DYNC1H1: variants seen among roughly 807,000 people sequenced by gnomAD.
DYNC1H1 encodes the protein dynein cytoplasmic 1 heavy chain 1, also known as cytoplasmic dynein 1 heavy chain 1.
Under a neutral mutation model 527.1 loss-of-function variants are expected in DYNC1H1, and 51 were observed. That is an observed-to-expected ratio of 0.10 (90% CI 0.08 to 0.12). The LOEUF (loss-of-function observed/expected upper bound fraction) is 0.12, where lower values mean the gene tolerates loss of function less well. Among genes scored for constraint, DYNC1H1 ranks in the 10% least tolerant of loss-of-function variants. DYNC1H1 has a pLI of 1.00. For missense variants in DYNC1H1, 2,771 were observed against 5,971.8 expected (o/e 0.46, Z 17.66); for synonymous variants, 2,189 against 2,278.8 (o/e 0.96, Z 1.12).
chr14:102,036,119 C>T lies in DYNC1H1; in HGVS notation c.10755-370C>T. ...ATTAAAATTCTGTATAATGTTAATC[C>T]CTTGCTGCTGCGACATCATTGATGT... On this transcript the variant is annotated intron_variant, in intron 56 of 77. Transcript: ENST00000360184. This position sits in a 1 kb window ranked among gnomAD's most constrained non-coding sequence, Gnocchi z 5.6. 1 of 284,908 alleles carries T rather than the reference C, an allele frequency of 3.5e-6. No individual in the cohort carries two copies. The highest frequency in any genetic ancestry group is 3.5e-5 in the South Asian group (1 of 28,648). The allele number at this position is 284,908 out of a possible 1,614,324, so 17.6% of individuals were successfully genotyped here. A position where few individuals can be genotyped will look rare whatever the true frequency, so the allele number is the denominator to read the frequency against.
rs75049615 is a variant in DYNC1H1, at chr14:102,016,261, C to T, written c.7474-88C>T. The T allele has an allele frequency of 1.1e-3, 1,726 of 1,562,754 alleles. 19 individuals carry two copies. In the African/African-American group the frequency reaches 0.022, roughly 20 times the overall value. On this transcript the variant is annotated intron_variant, in intron 36 of 77. Transcript: ENST00000360184. This position sits in a 1 kb window ranked among gnomAD's most constrained non-coding sequence, Gnocchi z 7.3. The stretch of plus-strand genomic sequence containing the variant: ...TCTGTGATGCAAGAAGACTGGGAAC[C>T]ACTGTCTTTAGGTTAACTTTGCTGT...
rs1299036032 is a variant in DYNC1H1 at position 102,005,606 on chromosome 14, TAGTC to T, written c.5434-281_5434-278del. The stretch of plus-strand genomic sequence containing the variant: ...ACTCCTAGGATAGACGTCAGAAAGC[TAGTC>T]TTCCATGATGTTTTAGAATGGTTGC... On this transcript the variant is annotated intron_variant, in intron 26 of 77. Transcript: ENST00000360184. This position sits in a 1 kb window ranked among gnomAD's most constrained non-coding sequence, Gnocchi z 4.0. 6.6e-6 allele frequency among the ~76,000 whole-genome samples: 1 copy of T among 152,252 alleles called. No homozygotes were observed. The highest frequency in any genetic ancestry group is 2.4e-5 in the African/African-American group (1 of 41,472).
Position 102,036,436 on chromosome 14 carries a change from T to G in DYNC1H1, c.10755-53T>G. ...TCAGGGACTCGGCTAACCGTGATCC[T>G]GTGCTTTCCCCATTCGGTGTTTCAA... On this transcript the variant is annotated intron_variant, in intron 56 of 77. Coordinates refer to ENST00000360184, the MANE Select transcript of DYNC1H1 (RefSeq NM_001376.5). The surrounding 1 kb of genome is among the most constrained non-coding windows in gnomAD (Gnocchi z 5.6). The G allele has an allele frequency of 6.2e-7, 1 of 1,609,758 alleles. No individual in the cohort carries two copies.
chr14:102,038,290 T>G lies in DYNC1H1; in HGVS notation c.10909-170T>G. 8.6e-7 allele frequency: 1 copy of G among 1,161,962 alleles called. No individual in the cohort carries two copies. The highest frequency in any genetic ancestry group is 1.2e-6 in the Non-Finnish European group (1 of 810,958). 72.0% of individuals were successfully genotyped at this position (1,161,962 alleles called of 1,614,324 possible). A position where few individuals can be genotyped will look rare whatever the true frequency, so the allele number is the denominator to read the frequency against. ...CACCGCATCTGGCTGAGTTTTTAAT[T>G]TTAGTTCATTTAAATGTAAGTAGCC... On this transcript the variant is annotated intron_variant, in intron 57 of 77. Coordinates refer to ENST00000360184, the MANE Select transcript of DYNC1H1 (RefSeq NM_001376.5). This position sits in a 1 kb window ranked among gnomAD's most constrained non-coding sequence, Gnocchi z 7.2.
chr14:101,985,294 TA>T lies in DYNC1H1; in HGVS notation c.1462-392del, dbSNP rs1039699527. On this transcript the variant is annotated intron_variant, in intron 7 of 77. Transcript: ENST00000360184. The surrounding 1 kb of genome is among the most constrained non-coding windows in gnomAD (Gnocchi z 5.9). ...ATTAAATGACTAATTTCTTTATATA[TA>T]TTTTTTTCTCTTCTGAATTTATCTT... 6.6e-6 allele frequency among the ~76,000 whole-genome samples: 1 copy of T among 152,182 alleles called. No individual in the cohort carries two copies. The highest frequency in any genetic ancestry group is 1.5e-5 in the Non-Finnish European group (1 of 68,020).
intron 23 of DYNC1H1, among the ~76,000 whole-genome samples, chr14:102,003,529 A>G (rs1440436740): frequency 2.0e-5 from 3 of 152,300 alleles, no homozygotes; most frequent in East Asian, 1.9e-4. Context: ...CCTAAGTGCT[A>G]GGATTACAGG....
In DYNC1H1 at chr14:102,005,208, C is replaced by A. The variant is rs1346194464; in HGVS notation, c.5405C>A (p.Pro1802Gln). 2 of 1,614,202 alleles carry A rather than the reference C, an allele frequency of 1.2e-6. No individual in the cohort carries two copies. Among genetic ancestry groups the A allele is most frequent in the Non-Finnish European group, 1.7e-6 (2 of 1,180,040 alleles). ...GACTCTGTCCTCATGGAGCAGCCCC[C>A]ACTCCGAAGGCGGAAGCTAGAACAC... ...LADSVLMEQP[P>Q]LRRRKLEHLI... The change falls in exon 26 of 78, where the codon CCA (proline) becomes CAA (glutamine). Residue 1802 changes from proline to glutamine, a missense_variant. By Grantham distance (76) the Pro-to-Gln change is moderately conservative. Around this residue, in one of 32 missense-constraint regions of DYNC1H1, gnomAD observed 64 missense variants for 143.4 expected, o/e 0.45. Transcript: ENST00000360184. The surrounding 1 kb of genome is among the most constrained non-coding windows in gnomAD (Gnocchi z 4.0).
chr14:101,981,682 C>T (rs956129617), intron 5 of DYNC1H1, among the ~76,000 whole-genome samples: 1 of 152,196 alleles, frequency 6.6e-6, no homozygotes, highest in Non-Finnish European at 1.5e-5. Context: ...TTACTTAGAT[C>T]ACATTGCACA....
In DYNC1H1 at chr14:101,994,829, G is replaced by A. The variant is rs1323484772; in HGVS notation, c.3313G>A (p.Val1105Ile). ...AGAAACCAAGAAAGAGTTTGGACCA[G>A]TAGTTATAGATTATGGCAAGGTGAG... is the stretch of plus-strand genomic sequence containing the variant. ...NAETKKEFGP[V>I]VIDYGKVQSK... The change falls in exon 13 of 78, where the codon GTA (valine) becomes ATA (isoleucine). Residue 1105 changes from valine to isoleucine, a missense_variant. By Grantham distance (29) the Val-to-Ile change is conservative. This residue lies in a region of DYNC1H1 where 179 missense variants were observed against 349.4 expected (regional missense o/e 0.51). Transcript: ENST00000360184. 6.2e-7 allele frequency: 1 copy of A among 1,614,222 alleles called. No individual in the cohort carries two copies. The highest frequency in any genetic ancestry group is 1.3e-5 in the African/African-American group (1 of 75,066).
At position 101,979,364 on chromosome 14, in the gene DYNC1H1, C is replaced by T. The variant is rs2273439; in HGVS notation, c.390C>T (p.Pro130=). The stretch of plus-strand genomic sequence containing the variant: ...CTCCCGTGATTGATGCAGATAAACC[C>T]GTGTCTTCTCAGCTCCGGGTCCTTA... ...KRTPVIDADK[P]VSSQLRVLTL... Residue 130 remains proline, a synonymous_variant, in exon 3 of 78, where the codon CCC becomes CCT. Transcript: ENST00000360184. The surrounding 1 kb of genome is among the most constrained non-coding windows in gnomAD (Gnocchi z 4.6). The T allele has an allele frequency of 2.2e-5, 36 of 1,614,034 alleles. No individual in the cohort carries two copies. The East Asian group carries it at 4.9e-4, about 22-fold the overall frequency.
At chr14:102,008,645 G>C (rs1436833669) in intron 29 of DYNC1H1, among the ~76,000 whole-genome samples, 1 of 152,128 alleles carries the variant, frequency 6.6e-6, no homozygotes, top group Non-Finnish European at 1.5e-5. Flanking sequence ...AAATTAGCCT[G>C]ACATGGTGGT....
Position 102,056,366 on chromosome 14 carries a change from T to C in DYNC1H1, c.*5803T>C, listed in dbSNP as rs199924210. On this transcript the variant is annotated 3_prime_UTR_variant, in exon 78 of 78. Transcript: ENST00000360184. Reference sequence around the variant, plus strand: ...TGTGAGCCCTTAAAAGGGACAGAAATTGTGCACTTGGGGAGCTGGGATTTT... The same window carrying C: ...TGTGAGCCCTTAAAAGGGACAGAAACTGTGCACTTGGGGAGCTGGGATTTT... The C allele has an allele frequency of 6.6e-6, 1 of 152,198 alleles. No homozygotes were observed. The highest frequency in any genetic ancestry group is 1.9e-4 in the East Asian group (1 of 5,168). 9.4% of individuals were successfully genotyped at this position (152,198 alleles called of 1,614,324 possible). A position where few individuals can be genotyped will look rare whatever the true frequency, so the allele number is the denominator to read the frequency against.
At position 102,002,529 on chromosome 14, in the gene DYNC1H1, C is replaced by T. The variant is rs1233333145; in HGVS notation, c.4543-8C>T. On this transcript the variant is annotated splice_region_variant and splice_polypyrimidine_tract_variant and intron_variant, in intron 21 of 77. Transcript: ENST00000360184. The surrounding 1 kb of genome is among the most constrained non-coding windows in gnomAD (Gnocchi z 4.4). ...GCAGTTTACCTCTCCCTCCTGTCTG[C>T]CCACCAGGTTTTTGAAGAGGATGCT... The T allele has an allele frequency of 6.2e-7, 1 of 1,613,998 alleles. No homozygotes were observed. Among genetic ancestry groups the T allele is most frequent in the Non-Finnish European group, 8.5e-7 (1 of 1,179,908 alleles).
At position 101,965,242 on chromosome 14, in the gene DYNC1H1, C is replaced by T. The variant is rs976257163; in HGVS notation, c.256+295C>T. On this transcript the variant is annotated intron_variant, in intron 1 of 77. Transcript: ENST00000360184. This position sits in a 1 kb window ranked among gnomAD's most constrained non-coding sequence, Gnocchi z 4.1. ...GTCGCGGGGAGGGGAAAGGGGTCCC[C>T]GTCTGCCGTCACCCAAAACAATGGG... Among the ~76,000 whole-genome samples, 10 of 152,190 alleles carry T rather than the reference C, an allele frequency of 6.6e-5. No homozygotes were observed. Among genetic ancestry groups the T allele is most frequent in the African/African-American group, 2.4e-4 (10 of 41,466 alleles).
intron 72 of DYNC1H1, chr14:102,047,606 TA>T (rs1400305334): frequency 2.5e-6 from 1 of 397,360 alleles, no homozygotes; most frequent in Non-Finnish European, 4.4e-6. Context: ...TATACACATA[TA>T]TGTATATATA....
At chr14:102,030,974 A>G (rs2048503593) in intron 51 of DYNC1H1, among the ~76,000 whole-genome samples, 1 of 152,180 alleles carries the variant, frequency 6.6e-6, no homozygotes, top group South Asian at 2.1e-4. Context: ...AAATGAATAA[A>G]TGAAAACAAA....
intron 2 of DYNC1H1, among the ~76,000 whole-genome samples, chr14:101,977,235 T>C (rs184009521): frequency 7.7e-4 from 117 of 152,372 alleles, no homozygotes; most frequent in African/African-American, 2.5e-3. Flanking sequence ...TTCAGAAAGA[T>C]TGTGCTAATT....
Position 102,033,807 on chromosome 14 carries a change from A to C in DYNC1H1, c.10414-169A>C. The C allele has an allele frequency of 1.3e-6, 1 of 747,510 alleles. No homozygotes were observed. The allele number at this position is 747,510 out of a possible 1,614,324, so 46.3% of individuals were successfully genotyped here. On this transcript the variant is annotated intron_variant, in intron 54 of 77. Coordinates refer to ENST00000360184, the MANE Select transcript of DYNC1H1 (RefSeq NM_001376.5). This position sits in a 1 kb window ranked among gnomAD's most constrained non-coding sequence, Gnocchi z 5.6. ...CTGAGATTCTGAGTCGTGTGTGGTC[A>C]TTAGTTATATATGATCTGGGTCTCA...
chr14:102,024,182 G>A (rs953690980), intron 43 of DYNC1H1, among the ~76,000 whole-genome samples: 1 of 152,210 alleles, frequency 6.6e-6, no homozygotes, highest in African/African-American at 2.4e-5. Context: ...ACTGAAAATA[G>A]GACAATTGTG....
Sources: gnomAD v4.1 joint callset for allele counts (sites outside exome capture counted in the v4.1 genomes callset) on GRCh38, gnomAD v4.1.1 for gene constraint, gnomAD v4.1.1 regional missense constraint, Gnocchi (gnomAD v3.1) non-coding constraint, MANE v1.5 for transcripts, NCBI Gene and HGNC (gene_info 2026-07-23, HGNC 2026-07-21) for gene names.